SPAG16: variants seen among roughly 807,000 people sequenced by gnomAD.
SPAG16 encodes the protein sperm-associated antigen 16 protein.
Under a neutral mutation model 80.4 loss-of-function variants are expected in SPAG16, and 86 were observed. The ratio of observed to expected loss-of-function variants is 1.07; its 90% confidence interval spans 0.90 to 1.28. The LOEUF (loss-of-function observed/expected upper bound fraction) is 1.28. Among genes scored for constraint, SPAG16 ranks in the 50% most tolerant of loss-of-function variants. SPAG16 has a pLI of 0.00. For synonymous variants in SPAG16, 294 were observed against 265.9 expected (o/e 1.11, Z -1.03); for missense variants, 870 against 765.3 (o/e 1.14, Z -1.61).
At chr2:213,702,670 C>A (rs1400694449) in intron 10 of SPAG16, among the ~76,000 whole-genome samples, 1 of 152,184 alleles carries the variant, frequency 6.6e-6, no homozygotes, top group Non-Finnish European at 1.5e-5. Flanking sequence ...TATCCGTAAT[C>A]TATGACACAT....
chr2:213,812,214 A>C (rs2072203811), intron 10 of SPAG16, among the ~76,000 whole-genome samples: 2 of 152,212 alleles, frequency 1.3e-5, no homozygotes, highest in Non-Finnish European at 2.9e-5. Context: ...GCAAAGTACC[A>C]GAGAAAAAGA....
At chr2:214,079,415 T>C (rs2051251376) in intron 13 of SPAG16, among the ~76,000 whole-genome samples, 1 of 152,234 alleles carries the variant, frequency 6.6e-6, no homozygotes, top group Non-Finnish European at 1.5e-5. Flanking sequence ...TAATTTGTTG[T>C]GTTCTGAATT....
At chr2:213,831,410 GGT>G (rs1207893180) in intron 10 of SPAG16, among the ~76,000 whole-genome samples, 2 of 89,272 alleles carry the variant, frequency 2.2e-5, no homozygotes, top group Admixed American at 1.2e-4. Context: ...TCATAATTCA[GGT>G]GTTTTTTTTT....
At chr2:213,897,987 T>C (rs2077061174) in intron 11 of SPAG16, among the ~76,000 whole-genome samples, 1 of 152,182 alleles carries the variant, frequency 6.6e-6, no homozygotes, top group African/African-American at 2.4e-5. Flanking sequence ...AAAACTATTA[T>C]ATGAAGATGG....
chr2:213,538,515 A>G (rs2076323595), intron 10 of SPAG16, among the ~76,000 whole-genome samples: 1 of 152,184 alleles, frequency 6.6e-6, no homozygotes, highest in South Asian at 2.1e-4. Context: ...AAAAAATAAA[A>G]TTCACTGATT....
intron 10 of SPAG16, among the ~76,000 whole-genome samples, chr2:213,823,034 G>GT (rs2073050900): frequency 1.3e-5 from 2 of 152,164 alleles, no homozygotes; most frequent in Admixed American, 6.5e-5. Context: ...TGCAATAAAC[G>GT]TAAGTGTGCA....
intron 7 of SPAG16, among the ~76,000 whole-genome samples, chr2:213,362,311 G>T (rs2066026693): frequency 1.3e-5 from 2 of 152,172 alleles, no homozygotes; most frequent in Admixed American, 6.5e-5. Context: ...GTAAGGACAT[G>T]TGAGAGAGTA....
intron 9 of SPAG16, among the ~76,000 whole-genome samples, chr2:213,465,287 C>T (rs2072616209): frequency 6.6e-6 from 1 of 152,168 alleles, no homozygotes; most frequent in Non-Finnish European, 1.5e-5. Context: ...CCCATGAGGG[C>T]ATTTAACTCA....
intron 12 of SPAG16, among the ~76,000 whole-genome samples, chr2:213,987,278 A>G (rs972238263): frequency 6.6e-5 from 10 of 151,996 alleles, no homozygotes; most frequent in Admixed American, 1.3e-4. Context: ...TGCAATACCT[A>G]CTGCCTGCCT....
chr2:214,003,045 C>T (rs866853655), intron 12 of SPAG16, among the ~76,000 whole-genome samples: 3 of 152,100 alleles, frequency 2.0e-5, no homozygotes, highest in Non-Finnish European at 2.9e-5. Context: ...TGACAACTTC[C>T]GTAGTGTAAA....
At chr2:213,415,954 T>G (rs190047706) in intron 9 of SPAG16, among the ~76,000 whole-genome samples, 63 of 152,204 alleles carry the variant, frequency 4.1e-4, no homozygotes, top group Non-Finnish European at 6.6e-4. Context: ...AGTTGGTTAA[T>G]CATAAAATAA....
intron 15 of SPAG16, among the ~76,000 whole-genome samples, chr2:214,295,998 CAA>C (rs1030835122): frequency 6.6e-6 from 1 of 152,028 alleles, no homozygotes; most frequent in African/African-American, 2.4e-5. Flanking sequence ...ACCAATCACC[CAA>C]AGAGTGAACA....
chr2:213,869,280 T>TATATACATACAC, intron 11 of SPAG16, among the ~76,000 whole-genome samples: 1 of 112,452 alleles, frequency 8.9e-6, no homozygotes, highest in Middle Eastern at 4.7e-3. Context: ...TATATATATA[T>TATATACATACAC]GTATATATAT....
chr2:214,307,564 C>T (rs1251010827), intron 15 of SPAG16, among the ~76,000 whole-genome samples: 1 of 151,394 alleles, frequency 6.6e-6, no homozygotes, highest in African/African-American at 2.5e-5. Context: ...ACTGCCTTAG[C>T]TGTGTCCCAG....
intron 9 of SPAG16, among the ~76,000 whole-genome samples, chr2:213,481,147 T>C (rs895852301): frequency 6.6e-6 from 1 of 152,204 alleles, no homozygotes; most frequent in African/African-American, 2.4e-5. Context: ...TCTTGGTCTC[T>C]GTTTTGTAGA....
chr2:214,213,341 T>C (rs2058346533), intron 15 of SPAG16, among the ~76,000 whole-genome samples: 1 of 152,146 alleles, frequency 6.6e-6, no homozygotes, highest in African/African-American at 2.4e-5. Flanking sequence ...AATGCCTGAA[T>C]TTTAAGCAAA....
intron 9 of SPAG16, among the ~76,000 whole-genome samples, chr2:213,375,669 G>A (rs906438585): frequency 1.3e-5 from 2 of 151,998 alleles, no homozygotes; most frequent in African/African-American, 4.8e-5. Context: ...AACCTGTGAA[G>A]AGTTTAGTTT....
intron 13 of SPAG16, among the ~76,000 whole-genome samples, chr2:214,039,518 A>G (rs1255181454): frequency 6.6e-6 from 1 of 152,224 alleles, no homozygotes; most frequent in Non-Finnish European, 1.5e-5. Flanking sequence ...CAGGCAACCT[A>G]CAGAATGGGA....
chr2:213,576,049 GT>G (rs1402686316), intron 10 of SPAG16, among the ~76,000 whole-genome samples: 1 of 152,142 alleles, frequency 6.6e-6, no homozygotes, highest in Non-Finnish European at 1.5e-5. Flanking sequence ...GGTTTTTATA[GT>G]TTTAGGTTTT....
Sources: gnomAD v4.1 joint callset for allele counts (sites outside exome capture counted in the v4.1 genomes callset) on GRCh38, gnomAD v4.1.1 for gene constraint, MANE v1.5 for transcripts, NCBI Gene and HGNC (gene_info 2026-07-23, HGNC 2026-07-21) for gene names.